GRM3: variants seen among roughly 807,000 people sequenced by gnomAD.
GRM3 encodes glutamate metabotropic receptor 3, also known as metabotropic glutamate receptor 3.
A neutral mutation model predicts 70.5 loss-of-function variants in GRM3; 26 were observed. That is an observed-to-expected ratio of 0.37 (90% CI 0.27 to 0.51). The LOEUF (loss-of-function observed/expected upper bound fraction) is 0.51. Ranked by LOEUF, GRM3 falls within the 20% of genes least tolerant of loss-of-function variation. The pLI, the probability that GRM3 is intolerant of heterozygous loss-of-function variation, is 0.93. For missense variants in GRM3, 859 were observed against 1,123.8 expected (o/e 0.76, Z 3.37); for synonymous variants, 443 against 434.9 (o/e 1.02, Z -0.23).
intron 3 of GRM3, among the ~76,000 whole-genome samples, chr7:86,828,015 G>A (rs1328769524): frequency 6.6e-6 from 1 of 151,622 alleles, no homozygotes; most frequent in Admixed American, 6.6e-5. Flanking sequence ...GGGAGGCTGA[G>A]GCGGGAGAAT....
chr7:86,803,501 G>T (rs1797725716), intron 3 of GRM3, among the ~76,000 whole-genome samples: 1 of 152,248 alleles, frequency 6.6e-6, no homozygotes, highest in East Asian at 1.9e-4. Context: ...ATGATCTCAT[G>T]GTTTTATTTA....
At chr7:86,804,607 C>T (rs1258164014) in intron 3 of GRM3, among the ~76,000 whole-genome samples, 1 of 152,112 alleles carries the variant, frequency 6.6e-6, no homozygotes, top group Admixed American at 6.5e-5. Context: ...GACGGGGTTT[C>T]ACCATGTTGG....
intron 1 of GRM3, among the ~76,000 whole-genome samples, chr7:86,663,225 T>C (rs1793943590): frequency 6.6e-6 from 1 of 151,878 alleles, no homozygotes; most frequent in African/African-American, 2.4e-5. Flanking sequence ...GAAACAGCAG[T>C]GGCCAATGAG....
intron 1 of GRM3, among the ~76,000 whole-genome samples, chr7:86,654,399 G>A (rs1438662342): frequency 6.6e-6 from 1 of 152,194 alleles, no homozygotes; most frequent in African/African-American, 2.4e-5. Flanking sequence ...ACTGTTGAAA[G>A]TTACACCGTG....
chr7:86,819,619 A>G (rs1405585022), intron 3 of GRM3, among the ~76,000 whole-genome samples: 2 of 152,138 alleles, frequency 1.3e-5, no homozygotes, highest in African/African-American at 4.8e-5. Context: ...CACAATGGCT[A>G]TGATCAGCAA....
chr7:86,700,470 T>A (rs1794922748), intron 1 of GRM3, among the ~76,000 whole-genome samples: 1 of 151,910 alleles, frequency 6.6e-6, no homozygotes, highest in Non-Finnish European at 1.5e-5. Flanking sequence ...AAGCCTCACA[T>A]CAGTCCCCAG....
Position 86,786,180 on chromosome 7 carries a change from G to T in GRM3, c.469-81G>T. ...AGAGGGAAAAGGGAGTCAGTAAAAG[G>T]TGTGGATGCTATTATTCATTTTCAT... is the stretch of plus-strand genomic sequence containing the variant. On this transcript the variant is annotated intron_variant, in intron 2 of 5. Coordinates refer to ENST00000361669, the MANE Select transcript of GRM3 (RefSeq NM_000840.3). This position sits in a 1 kb window ranked among gnomAD's most constrained non-coding sequence, Gnocchi z 6.0. The T allele has an allele frequency of 8.4e-7, 1 of 1,186,084 alleles. No homozygotes were observed. Among genetic ancestry groups the T allele is most frequent in the Non-Finnish European group, 1.2e-6 (1 of 827,856 alleles). 73.5% of individuals were successfully genotyped at this position (1,186,084 alleles called of 1,614,324 possible).
At chr7:86,854,004 C>G (rs904406472) in intron 5 of GRM3, among the ~76,000 whole-genome samples, 7 of 152,222 alleles carry the variant, frequency 4.6e-5, no homozygotes, top group African/African-American at 1.7e-4. Flanking sequence ...ACTGGCTTGG[C>G]CAGGAAACTG....
intron 1 of GRM3, among the ~76,000 whole-genome samples, chr7:86,716,722 T>G (rs1480940312): frequency 6.6e-6 from 1 of 151,764 alleles, no homozygotes; most frequent in Non-Finnish European, 1.5e-5. Context: ...TCTTTATAAA[T>G]TACAGAATTA....
At chr7:86,741,456 C>A (rs919229734) in intron 1 of GRM3, among the ~76,000 whole-genome samples, 1 of 152,128 alleles carries the variant, frequency 6.6e-6, no homozygotes, top group African/African-American at 2.4e-5. Flanking sequence ...ATAGAGTTAG[C>A]TTGAAGAACA....
At chr7:86,668,272 T>A (rs1007787548) in intron 1 of GRM3, among the ~76,000 whole-genome samples, 2 of 151,624 alleles carry the variant, frequency 1.3e-5, no homozygotes, top group African/African-American at 4.9e-5. Flanking sequence ...TGTCAAAATT[T>A]TTTTTTTTTG....
At chr7:86,649,220 C>A (rs943925420) in intron 1 of GRM3, among the ~76,000 whole-genome samples, 7 of 152,178 alleles carry the variant, frequency 4.6e-5, no homozygotes, top group Admixed American at 2.0e-4. Context: ...TGAGCACCCT[C>A]CAAATGATTT....
intron 1 of GRM3, chr7:86,710,041 C>T (rs576778774): frequency 5.3e-5 from 8 of 152,164 alleles, no homozygotes; most frequent in East Asian, 1.9e-4. Context: ...CAAATTAAAG[C>T]GAGCATTTTC....
At chr7:86,703,021 T>A (rs1794978659) in intron 1 of GRM3, among the ~76,000 whole-genome samples, 1 of 151,972 alleles carries the variant, frequency 6.6e-6, no homozygotes, top group African/African-American at 2.4e-5. Flanking sequence ...TGAAGTTTTG[T>A]TTTCATGCTT....
In GRM3 at chr7:86,751,904, A is replaced by T. The variant is rs147734238; in HGVS notation, c.-140-13102A>T. On this transcript the variant is annotated intron_variant, in intron 1 of 5. Coordinates refer to ENST00000361669, the MANE Select transcript of GRM3 (RefSeq NM_000840.3). ...TTAGTAAGCCCACAGTTGCAAATTC[A>T]TGTCAATACTCCTGTGACCTATTTG... 2.2e-3 allele frequency among the ~76,000 whole-genome samples: 330 copies of T among 152,222 alleles called. 1 individual carries two copies. Among genetic ancestry groups the T allele is most frequent in the African/African-American group, 7.7e-3 (319 of 41,560 alleles).
intron 1 of GRM3, among the ~76,000 whole-genome samples, chr7:86,737,057 G>T (rs1165213249): frequency 6.6e-6 from 1 of 151,980 alleles, no homozygotes; most frequent in Non-Finnish European, 1.5e-5. Context: ...CTTCAAAAAT[G>T]ATCATTGGTA....
chr7:86,690,634 G>T (rs779937136), intron 1 of GRM3, among the ~76,000 whole-genome samples: 1 of 152,104 alleles, frequency 6.6e-6, no homozygotes, highest in Non-Finnish European at 1.5e-5. Flanking sequence ...GATCCCATAA[G>T]TCTATCTGGG....
intron 1 of GRM3, among the ~76,000 whole-genome samples, chr7:86,755,431 T>A (rs750468454): frequency 6.6e-6 from 1 of 152,074 alleles, no homozygotes; most frequent in Admixed American, 6.5e-5. Flanking sequence ...TGTGCCAGAA[T>A]CTAACCCTTT....
chr7:86,800,344 A>G lies in GRM3; in HGVS notation c.1324+13228A>G, dbSNP rs545278858. Among the ~76,000 whole-genome samples, 65 of 152,310 alleles carry G rather than the reference A, an allele frequency of 4.3e-4. 1 individual carries two copies. The highest frequency in any genetic ancestry group is 3.4e-3 in the Middle Eastern group (1 of 294). ...TAAAAATACCCTTTACAATATCAAT[A>G]AATCCAGGAGTTGGTTTTCAGAAAA... On this transcript the variant is annotated intron_variant, in intron 3 of 5. Transcript: ENST00000361669.
Sources: gnomAD v4.1 joint callset for allele counts (sites outside exome capture counted in the v4.1 genomes callset) on GRCh38, gnomAD v4.1.1 for gene constraint, Gnocchi (gnomAD v3.1) non-coding constraint, MANE v1.5 for transcripts, NCBI Gene and HGNC (gene_info 2026-07-23, HGNC 2026-07-21) for gene names.